The following MARCO variants were observed in gnomAD, a reference collection of about 807,000 sequenced individuals.
MARCO encodes the protein macrophage receptor MARCO.
In MARCO, 72 loss-of-function variants were observed where a neutral mutation model predicts 70.0. That is an observed-to-expected ratio of 1.03 (90% CI 0.85 to 1.25). The LOEUF is 1.25. Among genes scored for constraint, MARCO ranks in the 50% most tolerant of loss-of-function variants. The probability of loss-of-function intolerance (pLI) is 0.00; values close to 1 mark genes in which losing one functional copy is unlikely to be tolerated. For synonymous variants in MARCO, 273 were observed against 243.1 expected, an observed-to-expected ratio of 1.12 and a Z score of -1.14; for missense variants, 696 against 659.3, an observed-to-expected ratio of 1.06 and a Z score of -0.61.
intron 1 of MARCO, 115 bp downstream of exon 1, chr2:118,942,512 G>T: frequency 2.5e-6 from 2 of 794,698 alleles, no homozygotes; most frequent in Non-Finnish European, 4.2e-6. Flanking sequence ...GCTGCATTTT[G>T]CACGTAATCA....
Position 118,945,954 on chromosome 2 carries a change from C to G in MARCO, c.97+3557C>G, listed in dbSNP as rs76655770. Reference sequence around the variant, plus strand: ...TCAACAAAACCCAAACCCTCAAGTCCGTTCAGGCTCAGTCTTGCAACACGA... The same window carrying G: ...TCAACAAAACCCAAACCCTCAAGTCGGTTCAGGCTCAGTCTTGCAACACGA... On this transcript the variant is annotated intron_variant, in intron 1 of 16. Coordinates refer to ENST00000327097, the MANE Select transcript of MARCO (RefSeq NM_006770.4). Among the ~76,000 whole-genome samples, 7 of 152,278 alleles carry G rather than the reference C, an allele frequency of 4.6e-5. No homozygotes were observed. The South Asian group carries it at 1.5e-3, about 32-fold the overall frequency.
chr2:118,971,666 TGTCTTCAGTTGG>T, intron 4 of MARCO, 132 bp downstream of exon 4: 1 of 834,870 alleles, frequency 1.2e-6, no homozygotes, highest in Non-Finnish European at 1.9e-6. Context: ...CAGCCTCCTT[TGTCTTCAGTTGG>T]GTCTCCTCTC....
chr2:118,959,125 A>G (rs1371568253), intron 1 of MARCO, among the ~76,000 whole-genome samples: 1 of 152,226 alleles, frequency 6.6e-6, no homozygotes, highest in Non-Finnish European at 1.5e-5. Flanking sequence ...ATAAAAACAA[A>G]GATAAATAGC....
intron 6 of MARCO, 32 bp from the exon 7 acceptor site, chr2:118,977,439 C>T (rs1396132516): frequency 4.4e-6 from 7 of 1,598,518 alleles, no homozygotes; most frequent in South Asian, 1.1e-5. Flanking sequence ...TCTCAGGCCA[C>T]AGCAACTGAG....
At chr2:118,985,400 C>T (rs1680466268) in intron 12 of MARCO, among the ~76,000 whole-genome samples, 1 of 152,176 alleles carries the variant, frequency 6.6e-6, no homozygotes, top group Non-Finnish European at 1.5e-5. Flanking sequence ...ACTGACCACA[C>T]TCTACCCCAT....
chr2:118,987,494 T>A (rs1020335744), intron 12 of MARCO, among the ~76,000 whole-genome samples: 1 of 152,122 alleles, frequency 6.6e-6, no homozygotes, highest in African/African-American at 2.4e-5. Context: ...TAAATACATA[T>A]CAGAAGGCAT....
chr2:118,949,988 T>C (rs1311617011), intron 1 of MARCO: 1 of 152,236 alleles, frequency 6.6e-6, no homozygotes, highest in Non-Finnish European at 1.5e-5. Flanking sequence ...AAATTGATCT[T>C]TTGTTTTAAA....
intron 1 of MARCO, among the ~76,000 whole-genome samples, chr2:118,946,249 A>C (rs1679597634): frequency 6.6e-6 from 1 of 152,296 alleles, no homozygotes; most frequent in African/African-American, 2.4e-5. Context: ...CTTATTCATT[A>C]GTTTTACATG....
At chr2:118,955,433 C>A (rs1333806124) in intron 1 of MARCO, among the ~76,000 whole-genome samples, 1 of 152,022 alleles carries the variant, frequency 6.6e-6, no homozygotes, top group Non-Finnish European at 1.5e-5. Context: ...TATGAACAAA[C>A]CTCCAAGAAG....
At chr2:118,976,191 CT>C (rs1377476029) in intron 6 of MARCO, among the ~76,000 whole-genome samples, 2 of 152,220 alleles carry the variant, frequency 1.3e-5, no homozygotes, top group Non-Finnish European at 2.9e-5. Flanking sequence ...TGACAGAGGG[CT>C]CAGAGCAGGA....
chr2:118,990,147 G>T (rs551164809), intron 12 of MARCO, among the ~76,000 whole-genome samples: 1 of 152,220 alleles, frequency 6.6e-6, no homozygotes, highest in Non-Finnish European at 1.5e-5. Flanking sequence ...TACTTGAAGA[G>T]CATCTACTAT....
At chr2:118,987,695 T>C (rs1305544976) in intron 12 of MARCO, among the ~76,000 whole-genome samples, 1 of 152,232 alleles carries the variant, frequency 6.6e-6, no homozygotes, top group Non-Finnish European at 1.5e-5. Flanking sequence ...CTTGCAGCAT[T>C]AGCATCACCT....
intron 1 of MARCO, among the ~76,000 whole-genome samples, chr2:118,945,752 C>G (rs1272124152): frequency 6.6e-6 from 1 of 152,292 alleles, no homozygotes; most frequent in African/African-American, 2.4e-5. Flanking sequence ...CTACTTCAGG[C>G]TTCCCACCAA....
At chr2:118,952,374 CT>C (rs1488773667) in intron 1 of MARCO, among the ~76,000 whole-genome samples, 1 of 152,130 alleles carries the variant, frequency 6.6e-6, no homozygotes, top group Non-Finnish European at 1.5e-5. Context: ...AATTAGGCCC[CT>C]TTTAGTGTTG....
Position 118,981,446 on chromosome 2 carries a change from G to C in MARCO, c.804G>C (p.Gly268=). ...ACAGGGGCATGAAAGGAGATGCAGG[G>C]GTCATGGGGCCTCCTGGAGCCCAGG... is the stretch of plus-strand genomic sequence containing the variant. ...KGDRGMKGDA[G]VMGPPGAQGS... Residue 268 remains glycine, a synonymous_variant, in exon 9 of 17, where the codon GGG becomes GGC. Transcript: ENST00000327097. 6.3e-7 allele frequency: 1 copy of C among 1,597,622 alleles called. No homozygotes were observed.
chr2:118,959,076 A>G (rs1679890843), intron 1 of MARCO, among the ~76,000 whole-genome samples: 2 of 152,130 alleles, frequency 1.3e-5, no homozygotes. Flanking sequence ...CATTGGCTTA[A>G]GCAAAGATTT....
intron 12 of MARCO, among the ~76,000 whole-genome samples, chr2:118,988,780 T>C (rs1387181130): frequency 1.3e-5 from 2 of 152,150 alleles, no homozygotes; most frequent in African/African-American, 2.4e-5. Flanking sequence ...GCAGACATTT[T>C]CTGGGTGCTA....
At chr2:118,993,361 T>A in intron 16 of MARCO, 61 bp downstream of exon 16, 2 of 1,537,236 alleles carry the variant, frequency 1.3e-6, no homozygotes, top group Non-Finnish European at 1.8e-6. Flanking sequence ...TTTCTCTCGC[T>A]GGTGGGGTGT....
intron 1 of MARCO, among the ~76,000 whole-genome samples, chr2:118,968,630 AAATAT>A (rs1423355802): frequency 6.6e-6 from 1 of 152,138 alleles, no homozygotes; most frequent in African/African-American, 2.4e-5. Flanking sequence ...TTATTTGATA[AAATAT>A]ATCAAGCATG....
Sources: allele counts gnomAD v4.1 joint callset (sites outside exome capture counted in the v4.1 genomes callset), GRCh38; gene constraint gnomAD v4.1.1; transcripts MANE v1.5; gene names NCBI Gene and HGNC (gene_info 2026-07-23, HGNC 2026-07-21).